Variants in FBXL14 observed in about 807,000 individuals in gnomAD.
FBXL14 encodes the protein F-box/LRR-repeat protein 14.
A neutral mutation model predicts 24.5 loss-of-function variants in FBXL14; 11 were observed. The ratio of observed to expected loss-of-function variants is 0.45; its 90% CI spans 0.28 to 0.74. The LOEUF is 0.74. FBXL14 is among the 30% of genes least tolerant of loss of function. The pLI is 0.12. For synonymous variants in FBXL14, 294 were observed against 240.4 expected (o/e 1.22, Z -2.06); for missense variants, 384 against 545.6 (o/e 0.70, Z 2.95).
At chr12:1,575,130 T>C (rs991146833) in intron 1 of FBXL14, among the ~76,000 whole-genome samples, 2 of 152,156 alleles carry the variant, frequency 1.3e-5, no homozygotes, top group Non-Finnish European at 2.9e-5. Flanking sequence ...AATAATATTT[T>C]TCTATGGATG....
chr12:1,580,968 C>CT (rs1297634845), intron 1 of FBXL14, among the ~76,000 whole-genome samples: 1 of 152,076 alleles, frequency 6.6e-6, no homozygotes, highest in Non-Finnish European at 1.5e-5. Context: ...GGCTTTATCT[C>CT]TGAAGTATCA....
chr12:1,570,026 C>T (rs1411883990), intron 1 of FBXL14, among the ~76,000 whole-genome samples: 4 of 152,218 alleles, frequency 2.6e-5, no homozygotes, highest in East Asian at 3.8e-4. Flanking sequence ...CCTAAGAGAA[C>T]GTTTTGCTGT....
At position 1,569,726 on chromosome 12, in the gene FBXL14, C is replaced by T. The variant is rs372799364; in HGVS notation, c.1195-2916G>A. ...CACTTGGTTCTTTATGGCTGTTGAG[C>T]ATAGCTCATCCTCGAAGTTTGTTTA... On this transcript the variant is annotated intron_variant, in intron 1 of 1. Transcript: ENST00000339235. This position sits in a 1 kb window ranked among gnomAD's most constrained non-coding sequence, Gnocchi z 4.2. Among the ~76,000 whole-genome samples the T allele has an allele frequency of 2.0e-4, 30 of 152,352 alleles. 2 individuals are homozygous for T. Among genetic ancestry groups the T allele is most frequent in the Admixed American group, 5.2e-4 (8 of 15,298 alleles).
chr12:1,591,863 C>T (rs540712157), intron 1 of FBXL14, among the ~76,000 whole-genome samples: 1 of 152,258 alleles, frequency 6.6e-6, no homozygotes, highest in South Asian at 2.1e-4. Context: ...ATATAATCAT[C>T]ATTTTCAAGA....
chr12:1,588,222 C>T lies in FBXL14; in HGVS notation c.1194+4651G>A, dbSNP rs1403732001. On this transcript the variant is annotated intron_variant, in intron 1 of 1. Coordinates refer to ENST00000339235, the MANE Select transcript of FBXL14 (RefSeq NM_152441.3). Reference sequence around the variant, plus strand: ...GGTCCCTGGGGGCCACTACCCTTTCCCTTTGAAAACTTGAATTCGAATTCT... The same window carrying T: ...GGTCCCTGGGGGCCACTACCCTTTCTCTTTGAAAACTTGAATTCGAATTCT... Among the ~76,000 whole-genome samples the T allele has an allele frequency of 2.0e-5, 3 of 152,050 alleles. No homozygotes were observed. In the East Asian group the frequency reaches 5.8e-4, roughly 29 times the overall value.
Position 1,593,935 on chromosome 12 carries a change from C to T in FBXL14, c.132G>A (p.Val44=). Reference sequence around the variant, plus strand: ...GCAGCTTGGCCTCCACCCCCCGCCACACCGACTTGTGGTAGGCGGCGTCCC... The same window carrying T: ...GCAGCTTGGCCTCCACCCCCCGCCATACCGACTTGTGGTAGGCGGCGTCCC... ...AWRDAAYHKS[V]WRGVEAKLHL... The change falls in exon 1 of 2, where the codon GTG becomes GTA. Residue 44 remains valine (V), a synonymous_variant. Transcript: ENST00000339235. The surrounding 1 kb of genome is among the most constrained non-coding windows in gnomAD (Gnocchi z 7.4). The T allele has an allele frequency of 2.5e-6, 4 of 1,593,464 alleles. No individual in the cohort carries two copies. The highest frequency in any genetic ancestry group is 3.4e-6 in the Non-Finnish European group (4 of 1,176,570).
At chr12:1,588,638 AAAG>A (rs1258629248) in intron 1 of FBXL14, among the ~76,000 whole-genome samples, 2 of 152,164 alleles carry the variant, frequency 1.3e-5, no homozygotes, top group Admixed American at 6.5e-5. Context: ...ACACTTAGAA[AAAG>A]AAGGGAAATG....
At chr12:1,585,248 A>G (rs1338585228) in intron 1 of FBXL14, among the ~76,000 whole-genome samples, 4 of 151,954 alleles carry the variant, frequency 2.6e-5, no homozygotes, top group African/African-American at 7.3e-5. Flanking sequence ...AATACAAAAA[A>G]TTAGCCGGGC....
In FBXL14 at chr12:1,569,407, T is replaced by C. The variant is rs1400479654; in HGVS notation, c.1195-2597A>G. 6.6e-6 allele frequency among the ~76,000 whole-genome samples: 1 copy of C among 151,118 alleles called. No individual in the cohort carries two copies. The highest frequency in any genetic ancestry group is 1.5e-5 in the Non-Finnish European group (1 of 67,588). On this transcript the variant is annotated intron_variant, in intron 1 of 1. Transcript: ENST00000339235. The surrounding 1 kb of genome is among the most constrained non-coding windows in gnomAD (Gnocchi z 4.2). ...AGAAACCACTTCGTTCTTTTTTTTT[T>C]TTTTTTTGTCTGAGACGGAGTCTCG...
chr12:1,568,896 A>T (rs2094440674), intron 1 of FBXL14, among the ~76,000 whole-genome samples: 2 of 152,202 alleles, frequency 1.3e-5, no homozygotes, highest in African/African-American at 4.8e-5. Context: ...TCAAAAAATA[A>T]GACCCAGCTC....
chr12:1,566,162 T>C lies in FBXL14; in HGVS notation c.*586A>G, dbSNP rs1345989456. ...ATGATTTGTCAGTGATTGAAATTGTTTCAGGGCAGGAACAGGGAATGAAAT... is the reference window on the plus strand; with the variant it reads ...ATGATTTGTCAGTGATTGAAATTGTCTCAGGGCAGGAACAGGGAATGAAAT... On this transcript the variant is annotated 3_prime_UTR_variant, in exon 2 of 2. Transcript: ENST00000339235. The C allele has an allele frequency of 6.6e-6, 1 of 152,656 alleles. No individual in the cohort carries two copies. Among genetic ancestry groups the C allele is most frequent in the Admixed American group, 6.5e-5 (1 of 15,282 alleles). The allele number at this position is 152,656 out of a possible 1,614,324, so 9.5% of individuals were successfully genotyped here. A position where few individuals can be genotyped will look rare whatever the true frequency, so the allele number is the denominator to read the frequency against.
At chr12:1,594,800 C>T (rs1395500303), upstream of FBXL14, among the ~76,000 whole-genome samples, 1 of 151,112 alleles carries the variant, frequency 6.6e-6, no homozygotes, top group Non-Finnish European at 1.5e-5. Flanking sequence ...GCGCCCGGGC[C>T]GGCCCCGGCT....
chr12:1,581,915 A>G (rs968845798), intron 1 of FBXL14, among the ~76,000 whole-genome samples: 1 of 152,212 alleles, frequency 6.6e-6, no homozygotes, highest in African/African-American at 2.4e-5. Flanking sequence ...ACCTGAGGTC[A>G]GGAGTTCAAG....
chr12:1,588,587 A>G (rs969206816), intron 1 of FBXL14, among the ~76,000 whole-genome samples: 2 of 152,204 alleles, frequency 1.3e-5, no homozygotes, highest in South Asian at 2.1e-4. Context: ...TGATTTATAG[A>G]TAATCTTTCC....
At position 1,593,967 on chromosome 12, in the gene FBXL14, C is replaced by A; in HGVS notation, c.100G>T (p.Ala34Ser). 1.3e-6 allele frequency: 2 copies of A among 1,589,104 alleles called. No homozygotes were observed. Among genetic ancestry groups the A allele is most frequent in the South Asian group, 1.1e-5 (1 of 89,728 alleles). ...TTGTGGTAGGCGGCGTCCCGCCAGG[C>A]GGTGCACACCTGCGCCGCGCGCCCC... ...DKGRAAQVCT[A>S]WRDAAYHKSV... The change falls in exon 1 of 2, where the codon GCC becomes TCC. Residue 34 changes from alanine (A) to serine (S), a missense_variant. Ala to Ser is a moderately conservative substitution (Grantham distance 99). Coordinates refer to ENST00000339235, the MANE Select transcript of FBXL14 (RefSeq NM_152441.3). This position sits in a 1 kb window ranked among gnomAD's most constrained non-coding sequence, Gnocchi z 7.4.
chr12:1,589,397 C>CAAAAAA (rs869295084), intron 1 of FBXL14, among the ~76,000 whole-genome samples: 1 of 10,982 alleles, frequency 9.1e-5, no homozygotes, highest in Non-Finnish European at 1.9e-4. Flanking sequence ...GACCTTGTCT[C>CAAAAAA]AAAAAAAAAA....
intron 1 of FBXL14, among the ~76,000 whole-genome samples, chr12:1,568,997 A>G (rs908326044): frequency 1.4e-4 from 21 of 152,370 alleles, no homozygotes; most frequent in Middle Eastern, 3.4e-3. Flanking sequence ...GTCCTGAGAC[A>G]TGGAGAATAA....
rs1043277186 is a variant in FBXL14, at chr12:1,567,968, G to A, written c.1195-1158C>T. Among the ~76,000 whole-genome samples, 17 of 152,260 alleles carry A rather than the reference G, an allele frequency of 1.1e-4. No individual in the cohort carries two copies. The highest frequency in any genetic ancestry group is 1.0e-3 in the Admixed American group (16 of 15,286). The stretch of plus-strand genomic sequence containing the variant: ...CTACAAAAGGTGTAGCATGTGTAAT[G>A]GGAATACCAGGAGGAGGAGAAAGAA... On this transcript the variant is annotated intron_variant, in intron 1 of 1. Coordinates refer to ENST00000339235, the MANE Select transcript of FBXL14 (RefSeq NM_152441.3). This position sits in a 1 kb window ranked among gnomAD's most constrained non-coding sequence, Gnocchi z 4.8.
chr12:1,576,023 G>A (rs1023765296), intron 1 of FBXL14, among the ~76,000 whole-genome samples: 1 of 152,202 alleles, frequency 6.6e-6, no homozygotes, highest in African/African-American at 2.4e-5. Flanking sequence ...CCTCAGCACA[G>A]CCCAACAGGT....
Sources: allele counts gnomAD v4.1 joint callset (sites outside exome capture counted in the v4.1 genomes callset), GRCh38; gene constraint gnomAD v4.1.1; non-coding constraint Gnocchi (gnomAD v3.1); transcripts MANE v1.5; gene names NCBI Gene and HGNC (gene_info 2026-07-23, HGNC 2026-07-21).